The following LRRC37A2 variants were observed in gnomAD, a reference collection of about 807,000 sequenced individuals.
The protein encoded by LRRC37A2 is leucine rich repeat containing 37 member A2, also known as leucine-rich repeat-containing protein 37A2.
In LRRC37A2, 9 loss-of-function variants were observed where a neutral mutation model predicts 68.8. The ratio of observed to expected loss-of-function variants is 0.13; its 90% CI spans 0.08 to 0.23. The LOEUF is 0.23. Ranked by LOEUF, LRRC37A2 falls within the 10% of genes least tolerant of loss-of-function variation. The pLI, the probability that LRRC37A2 is intolerant of heterozygous loss-of-function variation, is 1.00. For missense variants in LRRC37A2, 168 were observed against 950.4 expected (o/e 0.18, Z 10.82); for synonymous variants, 63 against 367.6 (o/e 0.17, Z 9.48).
chr17:46,820,852 G>A, the LRRC37A2 span, among the ~76,000 whole-genome samples: 1 of 151,904 alleles, frequency 6.6e-6, no homozygotes, highest in African/African-American at 2.4e-5. Context: ...TGACAGTGGT[G>A]CTGAGAGCTG....
chr17:46,794,020 T>A, the LRRC37A2 span, among the ~76,000 whole-genome samples: 2 of 152,126 alleles, frequency 1.3e-5, no homozygotes, highest in Non-Finnish European at 2.9e-5. Flanking sequence ...GACGGGGACA[T>A]AACCAAGACA....
chr17:47,036,516 T>C, the LRRC37A2 span, among the ~76,000 whole-genome samples: 19 of 152,202 alleles, frequency 1.2e-4, no homozygotes, highest in African/African-American at 1.9e-4. Flanking sequence ...ATTCTTATAA[T>C]TGTGTGAGAT....
the LRRC37A2 span, among the ~76,000 whole-genome samples, chr17:47,036,073 A>T: frequency 7.3e-4 from 111 of 152,278 alleles, no homozygotes; most frequent in African/African-American, 2.6e-3. Context: ...ATTAGACCTT[A>T]ACAGATAATT....
At chr17:46,737,932 TTATTATTATTATTATTA>T in the LRRC37A2 span, among the ~76,000 whole-genome samples, 1 of 147,388 alleles carries the variant, frequency 6.8e-6, no homozygotes, top group Non-Finnish European at 1.5e-5. Flanking sequence ...ATTATTATTA[TTATTATTATTATTATTA>T]TTAGAGATAG....
the LRRC37A2 span, among the ~76,000 whole-genome samples, chr17:46,982,098 C>T: frequency 1.3e-5 from 2 of 152,164 alleles, no homozygotes; most frequent in Non-Finnish European, 2.9e-5. Context: ...GAAAGCTGGC[C>T]TGGCGCAAAG....
At chr17:47,011,269 G>T in the LRRC37A2 span, among the ~76,000 whole-genome samples, 1 of 152,178 alleles carries the variant, frequency 6.6e-6, no homozygotes, top group Non-Finnish European at 1.5e-5. Flanking sequence ...TTTTTTCCAG[G>T]ATGGGTGTAG....
the LRRC37A2 span, among the ~76,000 whole-genome samples, chr17:46,950,143 G>T: frequency 6.6e-6 from 1 of 152,228 alleles, no homozygotes; most frequent in Admixed American, 6.5e-5. Flanking sequence ...TTTCTCAGTT[G>T]TTGCCTTTCC....
the LRRC37A2 span, among the ~76,000 whole-genome samples, chr17:46,900,202 T>TATATATATAC: frequency 1.7e-4 from 17 of 101,168 alleles, no homozygotes; most frequent in East Asian, 2.8e-3. Context: ...TATATATATA[T>TATATATATAC]ACACACACAC....
At chr17:47,021,800 GTTCA>G in the LRRC37A2 span, 52 of 1,226,416 alleles carry the variant, frequency 4.2e-5, no homozygotes, top group Non-Finnish European at 5.4e-5. Context: ...TACTTATCGT[GTTCA>G]TTGTTTTCCT....
At chr17:46,936,594 A>G in the LRRC37A2 span, 1 of 985,418 alleles carries the variant, frequency 1.0e-6, no homozygotes, top group East Asian at 1.1e-4. Context: ...TGAAGGGGCT[A>G]GGCTGAAGCA....
At chr17:46,772,401 G>A in the LRRC37A2 span, among the ~76,000 whole-genome samples, 1 of 152,212 alleles carries the variant, frequency 6.6e-6, no homozygotes, top group African/African-American at 2.4e-5. Flanking sequence ...GCCGGAGACG[G>A]GAAGAGCGAT....
At chr17:46,779,665 A>C in the LRRC37A2 span, among the ~76,000 whole-genome samples, 1 of 152,152 alleles carries the variant, frequency 6.6e-6, no homozygotes, top group Non-Finnish European at 1.5e-5. Context: ...TCTAACTCCC[A>C]TCCCCACCCC....
the LRRC37A2 span, among the ~76,000 whole-genome samples, chr17:46,996,758 G>A: frequency 6.6e-6 from 1 of 152,186 alleles, no homozygotes; most frequent in Non-Finnish European, 1.5e-5. Context: ...CAAGCCTCCC[G>A]CTCAGGCCTC....
chr17:47,007,598 G>C, the LRRC37A2 span, among the ~76,000 whole-genome samples: 34 of 152,202 alleles, frequency 2.2e-4, no homozygotes, highest in Non-Finnish European at 4.0e-4. Flanking sequence ...TGGAAAATCA[G>C]ATACATCAAA....
At chr17:46,802,059 T>C in the LRRC37A2 span, among the ~76,000 whole-genome samples, 1 of 152,268 alleles carries the variant, frequency 6.6e-6, no homozygotes, top group Non-Finnish European at 1.5e-5. Context: ...TGCTCGCCTG[T>C]ACGCATGTTT....
At chr17:46,961,286 T>G in the LRRC37A2 span, among the ~76,000 whole-genome samples, 3 of 152,140 alleles carry the variant, frequency 2.0e-5, no homozygotes, top group African/African-American at 7.2e-5. Flanking sequence ...ATCTGTAATT[T>G]TAGCACTTTG....
the LRRC37A2 span, chr17:46,932,069 G>C: frequency 1.9e-6 from 3 of 1,613,370 alleles, no homozygotes; most frequent in African/African-American, 2.7e-5. Flanking sequence ...AATTCCAGTC[G>C]GGTTGACCAG....
chr17:46,792,064 C>T, the LRRC37A2 span, among the ~76,000 whole-genome samples: 1 of 152,314 alleles, frequency 6.6e-6, no homozygotes, highest in African/African-American at 2.4e-5. Flanking sequence ...GAAAACAACT[C>T]TCTCTTACAC....
the LRRC37A2 span, among the ~76,000 whole-genome samples, chr17:46,928,106 G>C: frequency 6.6e-6 from 1 of 151,914 alleles, no homozygotes; most frequent in Non-Finnish European, 1.5e-5. Flanking sequence ...CAATATCCCA[G>C]ACTTACTTTC....
Sources: gnomAD v4.1 joint callset for allele counts (sites outside exome capture counted in the v4.1 genomes callset) on GRCh38, gnomAD v4.1.1 for gene constraint, MANE v1.5 for transcripts, NCBI Gene and HGNC (gene_info 2026-07-23, HGNC 2026-07-21) for gene names.